The following ZNF28 variants were observed in gnomAD, a reference collection of about 807,000 sequenced individuals.
The protein encoded by ZNF28 is zinc finger protein 28, also known as zinc finger protein KOX24.
A neutral mutation model predicts 7.2 loss-of-function variants in ZNF28; 5 were observed. The observed-to-expected ratio is 0.70, with a 90% confidence interval of 0.36 to 1.46. ZNF28 has a LOEUF of 1.46. Ranked by LOEUF, ZNF28 falls within the 40% of genes most tolerant of loss-of-function variation. The probability of loss-of-function intolerance (pLI) is 0.03; values close to 1 mark genes in which losing one functional copy is unlikely to be tolerated. For missense variants in ZNF28, 879 were observed against 866.6 expected (o/e 1.01, Z -0.18); for synonymous variants, 288 against 292.4 (o/e 0.99, Z 0.15).
chr19:52,811,078 G>A (rs1600459527), intron 2 of ZNF28, among the ~76,000 whole-genome samples: 2 of 149,930 alleles, frequency 1.3e-5, no homozygotes, highest in East Asian at 3.9e-4. Context: ...TTTTTTGGTG[G>A]AGACGGGGTT....
chr19:52,807,590 T>C (rs1252588476), intron 3 of ZNF28, among the ~76,000 whole-genome samples: 1 of 152,210 alleles, frequency 6.6e-6, no homozygotes, highest in Non-Finnish European at 1.5e-5. Context: ...TTCTCTTTCC[T>C]CAGCCTCTCT....
chr19:52,805,006 T>G (rs2062918239), intron 3 of ZNF28: 1 of 152,228 alleles, frequency 6.6e-6, no homozygotes. Context: ...CGGTGGCTCA[T>G]GCCAGTAATC....
Position 52,800,721 on chromosome 19 carries a change from C to T in ZNF28, c.1124G>A (p.Arg375Lys). 1 of 1,613,008 alleles carries T rather than the reference C, an allele frequency of 6.2e-7. No homozygotes were observed. The change falls in exon 4 of 4, where the codon AGG (arginine) becomes AAG (lysine). Residue 375 changes from arginine (R) to lysine (K), a missense_variant. By Grantham distance (26) the Arg-to-Lys change is conservative. Coordinates refer to ENST00000457749, the MANE Select transcript of ZNF28 (RefSeq NM_006969.5). Reference sequence around the variant, plus strand: ...ATAAGGTTTCTCTCCAGTATGAAGCCTACGATGGCGTGCAAGGGTTGACAG... The same window carrying T: ...ATAAGGTTTCTCTCCAGTATGAAGCTTACGATGGCGTGCAAGGGTTGACAG... ...NRLSTLARHR[R>K]LHTGEKPYEC...
Position 52,820,145 on chromosome 19 carries a change from C to G in ZNF28, c.-74+1441G>C, listed in dbSNP as rs376079009. Among the ~76,000 whole-genome samples, 174 of 97,214 alleles carry G rather than the reference C, an allele frequency of 1.8e-3. 12 individuals are homozygous for G. The East Asian group carries it at 0.021, about 12-fold the overall frequency. The allele number at this position is 97,214 out of a possible 152,430, so 63.8% of individuals were successfully genotyped here. ...TTTTTTTTTGAGACGGAGTCTCGCT[C>G]TGTCGTCCAGGCCGGACTGCGGACT... On this transcript the variant is annotated intron_variant, in intron 1 of 3. Coordinates refer to ENST00000457749, the MANE Select transcript of ZNF28 (RefSeq NM_006969.5).
At chr19:52,809,519 T>C (rs534194081) in intron 2 of ZNF28, among the ~76,000 whole-genome samples, 1 of 152,254 alleles carries the variant, frequency 6.6e-6, no homozygotes, top group East Asian at 1.9e-4. Flanking sequence ...AAAACATAAC[T>C]ATTATGGGCC....
intron 1 of ZNF28, 45 bp from the exon 2 acceptor site, chr19:52,818,076 C>G: frequency 1.3e-6 from 2 of 1,514,994 alleles, no homozygotes; most frequent in Non-Finnish European, 1.8e-6. Flanking sequence ...ATCAACACAT[C>G]CCCTCCCTGT....
At chr19:52,817,209 C>T (rs28667452) in intron 2 of ZNF28, among the ~76,000 whole-genome samples, 88,930 of 151,710 alleles carry the variant, frequency 0.59, 27,295 homozygotes, top group Non-Finnish European at 0.69. Context: ...CTCGTCTCTA[C>T]TAAAAATACA....
chr19:52,810,879 CCCT>C, intron 2 of ZNF28, among the ~76,000 whole-genome samples: 2 of 18,256 alleles, frequency 1.1e-4, no homozygotes, highest in Non-Finnish European at 2.1e-4. Context: ...CTCCCCCTCC[CCCT>C]CCCCCTCCCC....
intron 3 of ZNF28, among the ~76,000 whole-genome samples, chr19:52,804,392 G>A (rs2062910516): frequency 6.6e-6 from 1 of 152,120 alleles, no homozygotes; most frequent in African/African-American, 2.4e-5. Context: ...TCCCTCCTCA[G>A]CCCAGTCTTA....
At chr19:52,806,010 A>C (rs2062932714) in intron 3 of ZNF28, 1 of 152,170 alleles carries the variant, frequency 6.6e-6, no homozygotes, top group Admixed American at 6.6e-5. Flanking sequence ...AATTAATAAA[A>C]GGACAGATAC....
At chr19:52,814,994 G>C (rs954346768) in intron 2 of ZNF28, among the ~76,000 whole-genome samples, 3 of 145,524 alleles carry the variant, frequency 2.1e-5, no homozygotes, top group Non-Finnish European at 3.0e-5. Flanking sequence ...CAAGAAATTA[G>C]ATGTTAATAA....
Position 52,798,652 on chromosome 19 carries a change from T to C in ZNF28, c.*1036A>G, listed in dbSNP as rs1204255369. On this transcript the variant is annotated 3_prime_UTR_variant, in exon 4 of 4. Coordinates refer to ENST00000457749, the MANE Select transcript of ZNF28 (RefSeq NM_006969.5). ...TCCTATGTTTTGCATAGGATGAAACTTGACTGAAGACCTTGCCACAATCAT... is the reference window on the plus strand; with the variant it reads ...TCCTATGTTTTGCATAGGATGAAACCTGACTGAAGACCTTGCCACAATCAT... 5 of 437,038 alleles carry C rather than the reference T, an allele frequency of 1.1e-5. No homozygotes were observed. In the East Asian group the frequency reaches 2.6e-4, roughly 22 times the overall value. 27.1% of individuals were successfully genotyped at this position (437,038 alleles called of 1,614,324 possible). A position where few individuals can be genotyped will look rare whatever the true frequency, so the allele number is the denominator to read the frequency against.
chr19:52,798,371 G>T lies in ZNF28; in HGVS notation c.*1317C>A. On this transcript the variant is annotated 3_prime_UTR_variant, in exon 4 of 4. Coordinates refer to ENST00000457749, the MANE Select transcript of ZNF28 (RefSeq NM_006969.5). Reference sequence around the variant, plus strand: ...CAATGTTAAGTCAACTCAAACTCAGGTCAGTGCTCATTTAACTGTAATGTC... The same window carrying T: ...CAATGTTAAGTCAACTCAAACTCAGTTCAGTGCTCATTTAACTGTAATGTC... The T allele has an allele frequency of 1.1e-5, 4 of 357,564 alleles. No individual in the cohort carries two copies. The highest frequency in any genetic ancestry group is 9.4e-5 in the South Asian group (4 of 42,608). 22.1% of individuals were successfully genotyped at this position (357,564 alleles called of 1,614,324 possible). A position where few individuals can be genotyped will look rare whatever the true frequency, so the allele number is the denominator to read the frequency against.
chr19:52,807,961 A>C (rs779892129), intron 3 of ZNF28, 46 bp downstream of exon 3: 4 of 1,610,446 alleles, frequency 2.5e-6, no homozygotes, highest in Non-Finnish European at 2.5e-6. Context: ...CAACAAGAGA[A>C]AATACAAAGA....
chr19:52,801,769 A>G (rs1050722578), intron 3 of ZNF28, 67 bp from the exon 4 acceptor site: 24 of 1,390,938 alleles, frequency 1.7e-5, no homozygotes, highest in South Asian at 4.2e-5. Context: ...GAAATGTGTA[A>G]ATATGACACA....
chr19:52,817,858 T>A, intron 2 of ZNF28, 86 bp downstream of exon 2: 1 of 1,597,366 alleles, frequency 6.3e-7, no homozygotes. Context: ...GCAGGACACT[T>A]CAGACTCAGA....
At chr19:52,812,326 C>G (rs1202256234) in intron 2 of ZNF28, among the ~76,000 whole-genome samples, 13 of 141,356 alleles carry the variant, frequency 9.2e-5, no homozygotes, top group East Asian at 4.0e-4. Context: ...AATAGAAAGG[C>G]GGGAAGGGTG....
At chr19:52,806,855 T>A (rs1188116135) in intron 3 of ZNF28, among the ~76,000 whole-genome samples, 1 of 151,962 alleles carries the variant, frequency 6.6e-6, no homozygotes, top group Non-Finnish European at 1.5e-5. Flanking sequence ...TTAGCCAAGA[T>A]CGTACCAGTG....
chr19:52,801,909 C>T (rs1213212510), intron 3 of ZNF28, among the ~76,000 whole-genome samples: 1 of 152,060 alleles, frequency 6.6e-6, no homozygotes, highest in Non-Finnish European at 1.5e-5. Context: ...AGTCTATTTC[C>T]TATATCATGA....
Sources: gnomAD v4.1 joint callset for allele counts (sites outside exome capture counted in the v4.1 genomes callset) on GRCh38, gnomAD v4.1.1 for gene constraint, MANE v1.5 for transcripts, NCBI Gene and HGNC (gene_info 2026-07-23, HGNC 2026-07-21) for gene names.